The following CPED1 variants were observed in gnomAD, a reference collection of about 807,000 sequenced individuals.
CPED1 encodes the protein cadherin-like and PC-esterase domain-containing protein 1.
Under a neutral mutation model 128.2 loss-of-function variants are expected in CPED1, and 114 were observed. The ratio of observed to expected loss-of-function variants is 0.89; its 90% CI spans 0.76 to 1.04. The LOEUF (loss-of-function observed/expected upper bound fraction) is 1.04, where lower values mean the gene tolerates loss of function less well. Among genes scored for constraint, CPED1 ranks in the 50% least tolerant of loss-of-function variants. CPED1 has a pLI of 0.00. For missense variants in CPED1, 1,211 were observed against 1,207.1 expected (o/e 1.00, Z -0.05); for synonymous variants, 462 against 426.7 (o/e 1.08, Z -1.02).
At chr7:121,138,898 T>C (rs1005384548) in intron 14 of CPED1, among the ~76,000 whole-genome samples, 11 of 152,022 alleles carry the variant, frequency 7.2e-5, no homozygotes, top group African/African-American at 2.7e-4. Context: ...AACCTCATGA[T>C]TAATAATATC....
At chr7:120,999,491 C>T (rs975363408) in intron 2 of CPED1, among the ~76,000 whole-genome samples, 1 of 152,080 alleles carries the variant, frequency 6.6e-6, no homozygotes, top group Non-Finnish European at 1.5e-5. Flanking sequence ...CATCATCTAA[C>T]CTCTATTTCT....
chr7:121,178,430 T>G (rs757362574), intron 16 of CPED1, among the ~76,000 whole-genome samples: 1 of 152,068 alleles, frequency 6.6e-6, no homozygotes, highest in Non-Finnish European at 1.5e-5. Flanking sequence ...TGAAGGGCAT[T>G]AACTCTGTGC....
Position 121,064,323 on chromosome 7 carries a change from C to T in CPED1, c.616+10C>T, listed in dbSNP as rs756187171. On this transcript the variant is annotated intron_variant, in intron 5 of 22. Coordinates refer to ENST00000310396, the MANE Select transcript of CPED1 (RefSeq NM_024913.5). ...GTTAGAAGATTCCCAGGTAATCTTT[C>T]GTTTGCTTCCTTAGGCTTAAACATG... 1.1e-5 allele frequency: 18 copies of T among 1,596,930 alleles called. No homozygotes were observed. Among genetic ancestry groups the T allele is most frequent in the Admixed American group, 6.7e-5 (4 of 59,888 alleles).
intron 16 of CPED1, among the ~76,000 whole-genome samples, chr7:121,160,044 C>G (rs141059521): frequency 6.6e-6 from 1 of 151,656 alleles, no homozygotes; most frequent in African/African-American, 2.4e-5. Flanking sequence ...TAATATTGAA[C>G]TTGTGAGTTG....
At chr7:121,189,796 ATAAAATT>A (rs1797094230) in intron 16 of CPED1, among the ~76,000 whole-genome samples, 1 of 53,258 alleles carries the variant, frequency 1.9e-5, no homozygotes, top group Admixed American at 2.3e-4. Flanking sequence ...ATATATATAT[ATAAAATT>A]TGTATTTATT....
At chr7:121,261,933 A>G in intron 18 of CPED1, 1 of 484,774 alleles carries the variant, frequency 2.1e-6, no homozygotes, top group Non-Finnish European at 3.7e-6. Flanking sequence ...TATAGTTTGG[A>G]TGTTTGTTTC....
At chr7:121,100,125 G>C (rs369996126) in intron 7 of CPED1, 31 bp downstream of exon 7, 25 of 1,604,076 alleles carry the variant, frequency 1.6e-5, no homozygotes, top group Non-Finnish European at 2.1e-5. Flanking sequence ...ATTATTTCAC[G>C]TAAGTACACT....
chr7:121,222,366 G>T (rs981878254), intron 16 of CPED1, among the ~76,000 whole-genome samples: 17 of 152,288 alleles, frequency 1.1e-4, no homozygotes, highest in Admixed American at 7.2e-4. Context: ...TAGCCTTGTA[G>T]TATAGTTTAC....
At chr7:121,060,628 G>A (rs1793635417) in intron 4 of CPED1, among the ~76,000 whole-genome samples, 1 of 152,106 alleles carries the variant, frequency 6.6e-6, no homozygotes, top group Non-Finnish European at 1.5e-5. Flanking sequence ...TGGGGAGGTG[G>A]AGAACCTTTG....
intron 18 of CPED1, among the ~76,000 whole-genome samples, chr7:121,255,528 C>T (rs2116719829): frequency 6.6e-6 from 1 of 152,104 alleles, no homozygotes; most frequent in Admixed American, 6.6e-5. Flanking sequence ...CTACTCTTAC[C>T]ACTCCTATTC....
Position 121,098,162 on chromosome 7 carries a change from A to G in CPED1, c.749+331A>G, listed in dbSNP as rs1397139728. Among the ~76,000 whole-genome samples, 4 of 152,288 alleles carry G rather than the reference A, an allele frequency of 2.6e-5. No individual in the cohort carries two copies. In the East Asian group the frequency reaches 5.8e-4, roughly 22 times the overall value. On this transcript the variant is annotated intron_variant, in intron 6 of 22. Transcript: ENST00000310396. ...TACTCAAATGACTTTGCCTTAGACT[A>G]TGAATATGGCTGGATGCATTTTTTT... is the stretch of plus-strand genomic sequence containing the variant.
chr7:121,130,084 A>G (rs753628037), intron 11 of CPED1, 41 bp from the exon 12 acceptor site: 2 of 1,487,218 alleles, frequency 1.3e-6, no homozygotes, highest in Admixed American at 1.7e-5. Flanking sequence ...CTACATTATA[A>G]TTTGTTTTCC....
At chr7:121,244,161 A>G in intron 17 of CPED1, 41 bp from the exon 18 acceptor site, 1 of 1,613,894 alleles carries the variant, frequency 6.2e-7, no homozygotes, top group South Asian at 1.1e-5. Flanking sequence ...AAACTTCACC[A>G]GCAGAAACAG....
chr7:121,002,361 G>T (rs1047302617), intron 2 of CPED1, among the ~76,000 whole-genome samples: 1 of 152,114 alleles, frequency 6.6e-6, no homozygotes, highest in African/African-American at 2.4e-5. Context: ...TCAGAAAGCT[G>T]ACTTTCATAC....
intron 16 of CPED1, among the ~76,000 whole-genome samples, chr7:121,164,533 C>T (rs1796479996): frequency 1.3e-5 from 2 of 152,170 alleles, no homozygotes; most frequent in African/African-American, 4.8e-5. Context: ...GGTTCCCACT[C>T]AGTAGGTTTA....
At chr7:121,159,151 T>C (rs1443827492) in intron 16 of CPED1, among the ~76,000 whole-genome samples, 2 of 152,188 alleles carry the variant, frequency 1.3e-5, no homozygotes, top group Non-Finnish European at 2.9e-5. Context: ...AGTATGTTGA[T>C]AAATATATTC....
At position 120,993,787 on chromosome 7, in the gene CPED1, C is replaced by T. The variant is rs547780860; in HGVS notation, c.249+3917C>T. 28 of 156,204 alleles carry T rather than the reference C, an allele frequency of 1.8e-4. No individual in the cohort carries two copies. In the South Asian group the frequency reaches 2.8e-3, roughly 15 times the overall value. The allele number at this position is 156,204 out of a possible 1,614,324, so 9.7% of individuals were successfully genotyped here. On this transcript the variant is annotated intron_variant, in intron 2 of 22. Coordinates refer to ENST00000310396, the MANE Select transcript of CPED1 (RefSeq NM_024913.5). ...TCATTTCTAGAGAGGCTTTCTTCAA[C>T]GACCACGTCTCAGTACAGGTGCTGG...
At chr7:121,108,754 T>A (rs1795041600) in intron 7 of CPED1, among the ~76,000 whole-genome samples, 1 of 152,092 alleles carries the variant, frequency 6.6e-6, no homozygotes, top group Non-Finnish European at 1.5e-5. Flanking sequence ...AAACATGCTA[T>A]ACTGTCTTAT....
chr7:121,070,319 A>G (rs1793953802), intron 5 of CPED1, among the ~76,000 whole-genome samples: 1 of 151,968 alleles, frequency 6.6e-6, no homozygotes, highest in Non-Finnish European at 1.5e-5. Context: ...AGAGAAGGTT[A>G]AAGTTTGCTT....
Sources: allele counts gnomAD v4.1 joint callset (sites outside exome capture counted in the v4.1 genomes callset), GRCh38; gene constraint gnomAD v4.1.1; transcripts MANE v1.5; gene names NCBI Gene and HGNC (gene_info 2026-07-23, HGNC 2026-07-21).